The following ACKR1 variants were observed in gnomAD, a reference collection of about 807,000 sequenced individuals.
The protein encoded by ACKR1 is atypical chemokine receptor 1 (Duffy blood group).
Under a neutral mutation model 2.5 loss-of-function variants are expected in ACKR1, and 3 were observed. The ratio of observed to expected loss-of-function variants is 1.18; its 90% CI spans 0.54 to 3.06. The LOEUF is 3.06. Among genes scored for constraint, ACKR1 ranks in the 30% most tolerant of loss-of-function variants. ACKR1 has a pLI of 0.03. For missense variants in ACKR1, 438 were observed against 395.2 expected (o/e 1.11, Z -0.92); for synonymous variants, 208 against 178.2 (o/e 1.17, Z -1.33).
Position 159,206,482 on chromosome 1 carries a change from T to A in ACKR1, c.*32T>A. The A allele has an allele frequency of 6.3e-7, 1 of 1,575,970 alleles. No homozygotes were observed. Among genetic ancestry groups the A allele is most frequent in the Non-Finnish European group, 8.6e-7 (1 of 1,156,764 alleles). On this transcript the variant is annotated 3_prime_UTR_variant, in exon 2 of 2. Transcript: ENST00000368122. ...TCCCACCTGTCAACCTGAATTAAAG[T>A]CTACACTGCCTTTGTGAAGCGGGTG...
In ACKR1 at chr1:159,204,875, A is replaced by T; in HGVS notation, c.-85A>T. On this transcript the variant is annotated 5_prime_UTR_variant, in exon 1 of 2. Transcript: ENST00000368122. ...CCCTGCCCAGAACCTGATGGCCCTC[A>T]TTAGTCCTTGGCTCTTATCTTGGAA... 1 of 1,552,268 alleles carries T rather than the reference A, an allele frequency of 6.4e-7. No individual in the cohort carries two copies. The highest frequency in any genetic ancestry group is 1.1e-5 in the South Asian group (1 of 89,804).
chr1:159,206,161 C>T lies in ACKR1; in HGVS notation c.722C>T (p.Pro241Leu). Residue 241 changes from proline to leucine, a missense_variant, in exon 2 of 2, where the codon CCC becomes CTC. Transcript: ENST00000368122. ...LKKALGMGPG[P>L]WMNILWAWFI... ...AAGGCATTGGGTATGGGGCCAGGCC[C>T]CTGGATGAATATCCTGTGGGCCTGG... 1 of 1,614,232 alleles carries T rather than the reference C, an allele frequency of 6.2e-7. No individual in the cohort carries two copies. Among genetic ancestry groups the T allele is most frequent in the Non-Finnish European group, 8.5e-7 (1 of 1,180,040 alleles).
Position 159,205,539 on chromosome 1 carries a change from G to T in ACKR1, c.100G>T (p.Asp34Tyr). 2 of 1,614,234 alleles carry T rather than the reference G, an allele frequency of 1.2e-6. No homozygotes were observed. The highest frequency in any genetic ancestry group is 1.1e-5 in the South Asian group (1 of 91,086). ...DVWNSSYGVN[D>Y]SFPDGDYGAN... Reference sequence around the variant, plus strand: ...ATGGAATTCTTCCTATGGTGTGAATGATTCCTTCCCAGATGGAGACTATGG... The same window carrying T: ...ATGGAATTCTTCCTATGGTGTGAATTATTCCTTCCCAGATGGAGACTATGG... Residue 34 changes from aspartate to tyrosine, a missense_variant, in exon 2 of 2, where the codon GAT (aspartate) becomes TAT (tyrosine). Coordinates refer to ENST00000368122, the MANE Select transcript of ACKR1 (RefSeq NM_002036.4).
rs1333941559 is a variant in ACKR1, at chr1:159,205,762, T to C, written c.323T>C (p.Leu108Pro). 6.2e-7 allele frequency: 1 copy of C among 1,613,982 alleles called. No homozygotes were observed. The highest frequency in any genetic ancestry group is 1.7e-5 in the Admixed American group (1 of 60,006). ...GCACAGCTGGCTGTGGGCAGTGCCC[T>C]CTTCAGCATTGTGGTGCCCGTCTTG... The part of the protein sequence containing the change: ...VLAQLAVGSA[L>P]FSIVVPVLAP... Residue 108 changes from leucine to proline, a missense_variant, in exon 2 of 2, where the codon CTC (leucine) becomes CCC (proline). Physicochemically the swap from Leu to Pro is moderately conservative, Grantham distance 98. Transcript: ENST00000368122.
In ACKR1 at chr1:159,205,761, C is replaced by T. The variant is rs1336040129; in HGVS notation, c.322C>T (p.Leu108Phe). ...GGCACAGCTGGCTGTGGGCAGTGCC[C>T]TCTTCAGCATTGTGGTGCCCGTCTT... Reference protein sequence around the residue: ...VLAQLAVGSALFSIVVPVLAP... With the variant: ...VLAQLAVGSAFFSIVVPVLAP... Residue 108 changes from leucine to phenylalanine, a missense_variant, in exon 2 of 2, where the codon CTC (leucine) becomes TTC (phenylalanine). By Grantham distance (22) the Leu-to-Phe change is conservative. Transcript: ENST00000368122. 4 of 1,613,962 alleles carry T rather than the reference C, an allele frequency of 2.5e-6. No individual in the cohort carries two copies. Among genetic ancestry groups the T allele is most frequent in the Non-Finnish European group, 3.4e-6 (4 of 1,179,880 alleles).
intron 1 of ACKR1, 87 bp downstream of exon 1, chr1:159,205,067 C>G: frequency 6.9e-7 from 1 of 1,451,306 alleles, no homozygotes. Flanking sequence ...ATATCTCTTC[C>G]TTTTCCTCCT....
rs779062853 is a variant in ACKR1, at chr1:159,206,377, G to GCACC, written c.940_943dup (p.Leu315HisfsTer10). 5.0e-6 allele frequency: 8 copies of GCACC among 1,614,216 alleles called. No individual in the cohort carries two copies. The highest frequency in any genetic ancestry group is 6.8e-6 in the Non-Finnish European group (8 of 1,180,032). On this transcript the variant is annotated frameshift_variant, in exon 2 of 2. Coordinates refer to ENST00000368122, the MANE Select transcript of ACKR1 (RefSeq NM_002036.4). LOFTEE classifies it low-confidence loss of function (END_TRUNC). ...GCCCTATTCTGCCACCAGGCCACCC[G>GCACC]CACCCTCTTGCCCTCTCTGCCCCTC... is the stretch of plus-strand genomic sequence containing the variant.
In ACKR1 at chr1:159,205,844, C is replaced by G; in HGVS notation, c.405C>G (p.Val135=). 1 of 1,614,100 alleles carries G rather than the reference C, an allele frequency of 6.2e-7. No homozygotes were observed. Among genetic ancestry groups the G allele is most frequent in the Non-Finnish European group, 8.5e-7 (1 of 1,179,996 alleles). Reference sequence around the variant, plus strand: ...CCCTGTGTAGCCTGGGCTACTGTGTCTGGTATGGCTCAGCCTTTGCCCAGG... The same window carrying G: ...CCCTGTGTAGCCTGGGCTACTGTGTGTGGTATGGCTCAGCCTTTGCCCAGG... The part of the protein sequence containing the change: ...SSALCSLGYC[V]WYGSAFAQAL... The change falls in exon 2 of 2, where the codon GTC becomes GTG. Residue 135 remains valine, a synonymous_variant. Transcript: ENST00000368122.
In ACKR1 at chr1:159,205,559, C is replaced by T; in HGVS notation, c.120C>T (p.Asp40=). The T allele has an allele frequency of 6.2e-7, 1 of 1,614,236 alleles. No individual in the cohort carries two copies. The highest frequency in any genetic ancestry group is 1.3e-5 in the African/African-American group (1 of 75,064). ...TGAATGATTCCTTCCCAGATGGAGA[C>T]TATGGTGCCAACCTGGAAGCAGCTG... ...YGVNDSFPDG[D]YGANLEAAAP... The change falls in exon 2 of 2, where the codon GAC becomes GAT. Residue 40 remains aspartate (D), a synonymous_variant. Coordinates refer to ENST00000368122, the MANE Select transcript of ACKR1 (RefSeq NM_002036.4).
At position 159,206,102 on chromosome 1, in the gene ACKR1, G is replaced by A; in HGVS notation, c.663G>A (p.Leu221=). The A allele has an allele frequency of 6.2e-7, 1 of 1,614,246 alleles. No homozygotes were observed. Among genetic ancestry groups the A allele is most frequent in the Non-Finnish European group, 8.5e-7 (1 of 1,180,048 alleles). Residue 221 remains leucine (L), a synonymous_variant, in exon 2 of 2, where the codon TTG becomes TTA. Transcript: ENST00000368122. ...CCTGTCTTGCCATCTTTGTCTTGTTGCCATTGGGTTTGTTTGGAGCCAAGG... is the reference window on the plus strand; with the variant it reads ...CCTGTCTTGCCATCTTTGTCTTGTTACCATTGGGTTTGTTTGGAGCCAAGG... The part of the protein sequence containing the change: ...TVACLAIFVL[L]PLGLFGAKGL...
chr1:159,204,903 A>G lies in ACKR1; in HGVS notation c.-57A>G, dbSNP rs1650382033. 11 of 1,611,928 alleles carry G rather than the reference A, an allele frequency of 6.8e-6. No homozygotes were observed. In the South Asian group the frequency reaches 1.1e-4, roughly 16 times the overall value. ...AGTCCTTGGCTCTTATCTTGGAAGC[A>G]CAGGCGCTGACAGCCGTCCCAGCCC... On this transcript the variant is annotated 5_prime_UTR_variant, in exon 1 of 2. Transcript: ENST00000368122.
chr1:159,205,417 C>T (rs779828809), intron 1 of ACKR1, 44 bp from the exon 2 acceptor site: 2 of 1,572,776 alleles, frequency 1.3e-6, no homozygotes, highest in East Asian at 2.2e-5. Flanking sequence ...CCAGGAGACT[C>T]TTCCGGTGTA....
Position 159,206,221 on chromosome 1 carries a change from G to A in ACKR1, c.782G>A (p.Gly261Glu). ...TGGTGGCCTCATGGGGTGGTTCTAG[G>A]ACTGGATTTCCTGGTGAGGTCCAAG... ...IFWWPHGVVL[G>E]LDFLVRSKLL... The change falls in exon 2 of 2, where the codon GGA (glycine) becomes GAA (glutamate). Residue 261 changes from glycine (G) to glutamate (E), a missense_variant. Coordinates refer to ENST00000368122, the MANE Select transcript of ACKR1 (RefSeq NM_002036.4). 6.2e-7 allele frequency: 1 copy of A among 1,614,220 alleles called. No homozygotes were observed. Among genetic ancestry groups the A allele is most frequent in the Non-Finnish European group, 8.5e-7 (1 of 1,180,038 alleles).
At chr1:159,205,269 G>A (rs1650401155) in intron 1 of ACKR1, 192 bp from the exon 2 acceptor site, 8 of 762,646 alleles carry the variant, frequency 1.0e-5, no homozygotes, top group Non-Finnish European at 1.7e-5. Flanking sequence ...GGCTTCCCCA[G>A]GACTGTTCCT....
rs748896745 is a variant in ACKR1, at chr1:159,206,096, C to T, written c.657C>T (p.Val219=). The part of the protein sequence containing the change: ...THTVACLAIF[V]LLPLGLFGAK... ...CTGTAGCCTGTCTTGCCATCTTTGT[C>T]TTGTTGCCATTGGGTTTGTTTGGAG... Residue 219 remains valine (V), a synonymous_variant, in exon 2 of 2, where the codon GTC becomes GTT. Transcript: ENST00000368122. The T allele has an allele frequency of 6.2e-7, 1 of 1,614,256 alleles. No homozygotes were observed. Among genetic ancestry groups the T allele is most frequent in the Admixed American group, 1.7e-5 (1 of 60,030 alleles).
chr1:159,205,466 G>C lies in ACKR1; in HGVS notation c.27G>C (p.Glu9Asp). MGNCLHRAELSPSTENSSQ... is the reference protein window; with the variant it reads MGNCLHRADLSPSTENSSQ... ...CCTCTGGGTATGTCCTCCAGGCGGA[G>C]CTCTCCCCCTCAACTGAGAACTCAA... is the stretch of plus-strand genomic sequence containing the variant. Residue 9 changes from glutamate to aspartate, a missense_variant, in exon 2 of 2, where the codon GAG becomes GAC. Glu to Asp is a conservative substitution (Grantham distance 45). Coordinates refer to ENST00000368122, the MANE Select transcript of ACKR1 (RefSeq NM_002036.4). 7 of 1,609,220 alleles carry C rather than the reference G, an allele frequency of 4.3e-6. No individual in the cohort carries two copies. The highest frequency in any genetic ancestry group is 5.9e-6 in the Non-Finnish European group (7 of 1,177,166).
Position 159,205,890 on chromosome 1 carries a change from G to T in ACKR1, c.451G>T (p.Ala151Ser). ...FAQALLLGCH[A>S]SLGHRLGAGQ... is the part of the protein sequence containing the mutation. Reference sequence around the variant, plus strand: ...CCAGGCTTTGCTGCTAGGGTGCCATGCCTCCCTGGGCCACAGACTGGGTGC... The same window carrying T: ...CCAGGCTTTGCTGCTAGGGTGCCATTCCTCCCTGGGCCACAGACTGGGTGC... The change falls in exon 2 of 2, where the codon GCC (alanine) becomes TCC (serine). Residue 151 changes from alanine (A) to serine (S), a missense_variant. Transcript: ENST00000368122. 1.9e-6 allele frequency: 3 copies of T among 1,614,016 alleles called. No individual in the cohort carries two copies. The highest frequency in any genetic ancestry group is 2.5e-6 in the Non-Finnish European group (3 of 1,180,000).
At position 159,205,949 on chromosome 1, in the gene ACKR1, T is replaced by C; in HGVS notation, c.510T>C (p.Thr170=). The stretch of plus-strand genomic sequence containing the variant: ...TCCCAGGCCTCACCCTGGGGCTCAC[T>C]GTGGGAATTTGGGGAGTGGCTGCCC... The part of the protein sequence containing the change: ...GQVPGLTLGL[T]VGIWGVAALL... Residue 170 remains threonine (T), a synonymous_variant, in exon 2 of 2, where the codon ACT becomes ACC. Transcript: ENST00000368122. 6.2e-7 allele frequency: 1 copy of C among 1,614,092 alleles called. No homozygotes were observed. The highest frequency in any genetic ancestry group is 1.1e-5 in the South Asian group (1 of 91,084).
Position 159,206,073 on chromosome 1 carries a change from G to C in ACKR1, c.634G>C (p.Val212Leu). The change falls in exon 2 of 2, where the codon GTA becomes CTA. Residue 212 changes from valine to leucine, a missense_variant. By Grantham distance (32) the Val-to-Leu change is conservative. Coordinates refer to ENST00000368122, the MANE Select transcript of ACKR1 (RefSeq NM_002036.4). The part of the protein sequence containing the change: ...ELKALQATHT[V>L]ACLAIFVLLP... ...GAAGGCTTTGCAGGCCACACACACT[G>C]TAGCCTGTCTTGCCATCTTTGTCTT... 3 of 1,614,262 alleles carry C rather than the reference G, an allele frequency of 1.9e-6. No homozygotes were observed. Among genetic ancestry groups the C allele is most frequent in the Non-Finnish European group, 2.5e-6 (3 of 1,180,044 alleles).
Sources: allele counts gnomAD v4.1 joint callset, GRCh38; gene constraint gnomAD v4.1.1; transcripts MANE v1.5; gene names NCBI Gene and HGNC (gene_info 2026-07-23, HGNC 2026-07-21).